FRMD4B: variants seen among roughly 807,000 people sequenced by gnomAD.
FRMD4B encodes FERM domain containing 4B.
In FRMD4B, 74 loss-of-function variants were observed where a neutral mutation model predicts 141.5. The ratio of observed to expected loss-of-function variants is 0.52; its 90% confidence interval spans 0.43 to 0.63. FRMD4B has a LOEUF of 0.63. FRMD4B is among the 30% of genes least tolerant of loss of function. The pLI, the probability that FRMD4B is intolerant of heterozygous loss-of-function variation, is 0.00. For missense variants in FRMD4B, 1,366 were observed against 1,253.4 expected, an observed-to-expected ratio of 1.09 and a Z score of -1.36; for synonymous variants, 506 against 467.9, an observed-to-expected ratio of 1.08 and a Z score of -1.05.
rs115702858 is a variant in FRMD4B, at chr3:69,527,519, T to C, written c.-129+14687A>G. 9.7e-3 allele frequency among the ~76,000 whole-genome samples: 1,484 copies of C among 152,298 alleles called. 29 individuals are homozygous for C. The highest frequency in any genetic ancestry group is 0.034 in the African/African-American group (1,428 of 41,556). Reference sequence around the variant, plus strand: ...CAAAAGGAAAACCAAAGTCATTCTGTTCAACTTACTCAGATTTTTGCAGTT... The same window carrying C: ...CAAAAGGAAAACCAAAGTCATTCTGCTCAACTTACTCAGATTTTTGCAGTT... On this transcript the variant is annotated intron_variant, in intron 1 of 5. Transcript: ENST00000459638.
At chr3:69,312,730 C>T (rs1416786924) in intron 2 of FRMD4B, among the ~76,000 whole-genome samples, 2 of 152,146 alleles carry the variant, frequency 1.3e-5, no homozygotes, top group Middle Eastern at 3.2e-3. Flanking sequence ...GAAACCCTGT[C>T]TCTACTAAAA....
intron 1 of FRMD4B, among the ~76,000 whole-genome samples, chr3:69,361,026 C>A (rs1386082639): frequency 1.3e-5 from 2 of 152,132 alleles, no homozygotes; most frequent in Non-Finnish European, 2.9e-5. Context: ...AAATGTTTGA[C>A]TCTTTATCTT....
intron 11 of FRMD4B, among the ~76,000 whole-genome samples, chr3:69,207,236 T>C (rs1023967006): frequency 6.6e-6 from 1 of 151,312 alleles, no homozygotes; most frequent in Non-Finnish European, 1.5e-5. Context: ...ACTGAGGAGT[T>C]TGAGGCTGCA....
chr3:69,408,812 C>A (rs1355938686), intron 2 of FRMD4B, among the ~76,000 whole-genome samples: 1 of 151,972 alleles, frequency 6.6e-6, no homozygotes, highest in Non-Finnish European at 1.5e-5. Flanking sequence ...AGGGAAGAGT[C>A]GACGACTGGA....
intron 1 of FRMD4B, among the ~76,000 whole-genome samples, chr3:69,442,555 T>C (rs1324624230): frequency 1.3e-5 from 2 of 152,038 alleles, no homozygotes; most frequent in African/African-American, 4.8e-5. Flanking sequence ...AAACCACTTA[T>C]GAGAAATACT....
rs2092584821 is a variant in FRMD4B at position 69,171,383 on chromosome 3, ACT to A, written c.*476_*477del. 1 of 154,400 alleles carries A rather than the reference ACT, an allele frequency of 6.5e-6. No homozygotes were observed. Among genetic ancestry groups the A allele is most frequent in the African/African-American group, 2.4e-5 (1 of 41,432 alleles). The allele number at this position is 154,400 out of a possible 1,614,324, so 9.6% of individuals were successfully genotyped here. A position where few individuals can be genotyped will look rare whatever the true frequency, so the allele number is the denominator to read the frequency against. On this transcript the variant is annotated 3_prime_UTR_variant, in exon 23 of 23. Transcript: ENST00000398540. ...CATGTCTGTGTAGAAAGAGCATGTT[ACT>A]CTTTGTCAGCTCACGAATTCAAACT... is the stretch of plus-strand genomic sequence containing the variant.
At position 69,287,782 on chromosome 3, in the gene FRMD4B, A is replaced by G; in HGVS notation, c.471T>C (p.Phe157=). 1 of 1,605,984 alleles carries G rather than the reference A, an allele frequency of 6.2e-7. No individual in the cohort carries two copies. Among genetic ancestry groups the G allele is most frequent in the Non-Finnish European group, 8.5e-7 (1 of 1,173,474 alleles). Reference sequence around the variant, plus strand: ...GCACACAGGCCTTTGCATTCAGGAAAAACAGCTCCACGGTGGTTTTATCCT... The same window carrying G: ...GCACACAGGCCTTTGCATTCAGGAAGAACAGCTCCACGGTGGTTTTATCCT... The part of the protein sequence containing the change: ...FLKDKTTVEL[F]FLNAKACVHK... The change falls in exon 5 of 23, where the codon TTT becomes TTC. Residue 157 remains phenylalanine, a synonymous_variant. Transcript: ENST00000398540.
chr3:69,293,989 A>G (rs1700961985), intron 4 of FRMD4B, among the ~76,000 whole-genome samples: 1 of 152,026 alleles, frequency 6.6e-6, no homozygotes, highest in South Asian at 2.1e-4. Context: ...ATGAGAAAAT[A>G]GTGTGAAACC....
intron 12 of FRMD4B, chr3:69,197,570 CG>C (rs61366142): frequency 0.82 from 116,267 of 142,392 alleles, 49,519 homozygotes; most frequent in Non-Finnish European, 0.95. Flanking sequence ...GGAAAGGGGA[CG>C]GGGGAGGAGA....
chr3:69,307,542 G>A (rs116446463), intron 3 of FRMD4B, among the ~76,000 whole-genome samples: 2,318 of 152,096 alleles, frequency 0.015, 70 homozygotes, highest in African/African-American at 0.053. Context: ...GTTTTGCCGT[G>A]TTGCCCAGGC....
chr3:69,228,500 ACT>A lies in FRMD4B; in HGVS notation c.582-3812_582-3811del, dbSNP rs1453007187. ...ATGTTTCATATAAGATACAGATTTG[ACT>A]CTGTGTGATAGAGATCAAAACTTTA... is the stretch of plus-strand genomic sequence containing the variant. On this transcript the variant is annotated intron_variant, in intron 7 of 22. Transcript: ENST00000398540. 3.3e-5 allele frequency: 15 copies of A among 454,962 alleles called. No homozygotes were observed. The Admixed American group carries it at 3.5e-4, about 11-fold the overall frequency. 28.2% of individuals were successfully genotyped at this position (454,962 alleles called of 1,614,324 possible).
chr3:69,199,848 C>A (rs771205117), intron 11 of FRMD4B, among the ~76,000 whole-genome samples: 7 of 152,160 alleles, frequency 4.6e-5, no homozygotes, highest in Non-Finnish European at 8.8e-5. Context: ...ATTGAGGATG[C>A]CTTGCTATGT....
intron 1 of FRMD4B, among the ~76,000 whole-genome samples, chr3:69,534,315 C>G (rs1414720947): frequency 6.6e-6 from 1 of 152,178 alleles, no homozygotes; most frequent in Non-Finnish European, 1.5e-5. Flanking sequence ...GGAATATAAT[C>G]TTTTACAAGA....
chr3:69,266,476 C>A (rs775075960), intron 5 of FRMD4B, among the ~76,000 whole-genome samples: 2 of 152,106 alleles, frequency 1.3e-5, no homozygotes, highest in Non-Finnish European at 2.9e-5. Flanking sequence ...CAGGCACCTG[C>A]CACCACGCCT....
At chr3:69,291,791 G>C (rs1700883756) in intron 4 of FRMD4B, among the ~76,000 whole-genome samples, 1 of 151,812 alleles carries the variant, frequency 6.6e-6, no homozygotes, top group Non-Finnish European at 1.5e-5. Flanking sequence ...TGTCAATTCA[G>C]TTTTCCTTCC....
At chr3:69,519,465 T>A (rs1384496024) in intron 1 of FRMD4B, among the ~76,000 whole-genome samples, 1 of 152,138 alleles carries the variant, frequency 6.6e-6, no homozygotes, top group East Asian at 1.9e-4. Flanking sequence ...AATCCCCCTG[T>A]TGGAAAGCAG....
intron 1 of FRMD4B, among the ~76,000 whole-genome samples, chr3:69,319,440 A>G (rs1701923084): frequency 6.6e-6 from 1 of 152,200 alleles, no homozygotes. Flanking sequence ...TGGGAGGAAT[A>G]TTACTGACCC....
chr3:69,236,332 G>C (rs1241209677), intron 7 of FRMD4B, among the ~76,000 whole-genome samples: 1 of 151,052 alleles, frequency 6.6e-6, no homozygotes, highest in African/African-American at 2.4e-5. Context: ...GGGTTCAACA[G>C]ATCCTCCTGC....
chr3:69,250,167 G>T (rs777565217), intron 5 of FRMD4B, 68 bp from the exon 6 acceptor site: 2 of 1,079,952 alleles, frequency 1.9e-6, no homozygotes, highest in African/African-American at 3.1e-5. Flanking sequence ...TGGCTCTGAA[G>T]TTGAGGAAGC....
Sources: gnomAD v4.1 joint callset for allele counts (sites outside exome capture counted in the v4.1 genomes callset) on GRCh38, gnomAD v4.1.1 for gene constraint, MANE v1.5 for transcripts, NCBI Gene and HGNC (gene_info 2026-07-23, HGNC 2026-07-21) for gene names.